The following CISD2 variants were observed in gnomAD, a reference collection of about 807,000 sequenced individuals.
CISD2 encodes CDGSH iron sulfur domain 2.
A neutral mutation model predicts 12.9 loss-of-function variants in CISD2; 1 was observed. That is an observed-to-expected ratio of 0.08 (90% CI 0.03 to 0.37). The LOEUF is 0.37. Ranked by LOEUF, CISD2 falls within the 10% of genes least tolerant of loss-of-function variation. The probability of loss-of-function intolerance (pLI) is 0.99; values close to 1 mark genes in which losing one functional copy is unlikely to be tolerated. For synonymous variants in CISD2, 50 were observed against 60.6 expected, an observed-to-expected ratio of 0.83 and a Z score of 0.81; for missense variants, 97 against 163.1, an observed-to-expected ratio of 0.59 and a Z score of 2.21.
rs1460264585 is a variant in CISD2, at chr4:102,889,826, A to C, written c.*2396A>C. ...ACAATTTTATCTTGTCCATCTTTAAAAAATAGACATCTAATAACCAAATGT... is the reference window on the plus strand; with the variant it reads ...ACAATTTTATCTTGTCCATCTTTAACAAATAGACATCTAATAACCAAATGT... On this transcript the variant is annotated 3_prime_UTR_variant, in exon 3 of 3. Coordinates refer to ENST00000273986, the MANE Select transcript of CISD2 (RefSeq NM_001008388.5). 5.3e-5 allele frequency: 8 copies of C among 152,202 alleles called. No individual in the cohort carries two copies. In the East Asian group the frequency reaches 1.5e-3, roughly 29 times the overall value. 9.4% of individuals were successfully genotyped at this position (152,202 alleles called of 1,614,324 possible).
At chr4:102,872,089 T>C (rs1300588524) in intron 1 of CISD2, among the ~76,000 whole-genome samples, 1 of 152,212 alleles carries the variant, frequency 6.6e-6, no homozygotes, top group African/African-American at 2.4e-5. Flanking sequence ...TTTGTTTTGT[T>C]TTGTTTTTTG....
In CISD2 at chr4:102,887,930, A is replaced by G. The variant is rs903444816; in HGVS notation, c.*500A>G. The G allele has an allele frequency of 4.5e-5, 7 of 155,190 alleles. No homozygotes were observed. The highest frequency in any genetic ancestry group is 1.0e-4 in the Non-Finnish European group (7 of 69,966). 9.6% of individuals were successfully genotyped at this position (155,190 alleles called of 1,614,324 possible). A position where few individuals can be genotyped will look rare whatever the true frequency, so the allele number is the denominator to read the frequency against. On this transcript the variant is annotated 3_prime_UTR_variant, in exon 3 of 3. Coordinates refer to ENST00000273986, the MANE Select transcript of CISD2 (RefSeq NM_001008388.5). ...GAGATAGACTCTTTGCTTTATAGAG[A>G]TTGTTGTGTATTTAATATGAATATC...
At chr4:102,877,918 A>G (rs534048850) in intron 1 of CISD2, among the ~76,000 whole-genome samples, 8 of 152,212 alleles carry the variant, frequency 5.3e-5, no homozygotes, top group Non-Finnish European at 8.8e-5. Flanking sequence ...CCAATACTGC[A>G]CAAAGCAGCA....
At chr4:102,874,562 T>C (rs1733546992) in intron 1 of CISD2, 5 of 152,050 alleles carry the variant, frequency 3.3e-5, no homozygotes, top group Admixed American at 3.3e-4. Context: ...GAGGCAGAGA[T>C]TGGGGTGATA....
At position 102,890,582 on chromosome 4, in the gene CISD2, T is replaced by TTTA. The variant is rs1392208127; in HGVS notation, c.*3152_*3153insTTA. 1 of 152,134 alleles carries TTTA rather than the reference T, an allele frequency of 6.6e-6. No homozygotes were observed. Among genetic ancestry groups the TTTA allele is most frequent in the Admixed American group, 6.6e-5 (1 of 15,260 alleles). The allele number at this position is 152,134 out of a possible 1,614,324, so 9.4% of individuals were successfully genotyped here. On this transcript the variant is annotated 3_prime_UTR_variant, in exon 3 of 3. Coordinates refer to ENST00000273986, the MANE Select transcript of CISD2 (RefSeq NM_001008388.5). ...TGGCTTGGTGCAGTGACGACACACC[T>TTTA]GTAATCTCAGCACTTTGGGAGGCTG...
Position 102,887,787 on chromosome 4 carries a change from A to G in CISD2, c.*357A>G, listed in dbSNP as rs941133355. 1.8e-4 allele frequency: 30 copies of G among 168,798 alleles called. No individual in the cohort carries two copies. Among genetic ancestry groups the G allele is most frequent in the South Asian group, 1.4e-4 (1 of 6,946 alleles). The allele number at this position is 168,798 out of a possible 1,614,324, so 10.5% of individuals were successfully genotyped here. On this transcript the variant is annotated 3_prime_UTR_variant, in exon 3 of 3. Transcript: ENST00000273986. ...ACATTGTTAAATATGTTATTTTTTC[A>G]TATCTCTTTTGGTTTTGATAATCTG...
chr4:102,870,495 G>A (rs1268103172), intron 1 of CISD2, among the ~76,000 whole-genome samples: 1 of 152,130 alleles, frequency 6.6e-6, no homozygotes, highest in Admixed American at 6.5e-5. Context: ...TCAGACAGAC[G>A]CTCTGTTGAG....
At chr4:102,884,750 C>T (rs1307331007) in intron 1 of CISD2, among the ~76,000 whole-genome samples, 4 of 152,142 alleles carry the variant, frequency 2.6e-5, no homozygotes, top group Non-Finnish European at 4.4e-5. Flanking sequence ...CAAAAATGTA[C>T]CTTAAAGCAT....
intron 1 of CISD2, 182 bp downstream of exon 1, chr4:102,869,369 C>G (rs1427102340): frequency 3.7e-6 from 3 of 801,334 alleles, no homozygotes; most frequent in African/African-American, 3.4e-5. Context: ...GAGGCAGTCT[C>G]CGGGTGCTTG....
rs1346479475 is a variant in CISD2, at chr4:102,888,805, A to C, written c.*1375A>C. On this transcript the variant is annotated 3_prime_UTR_variant, in exon 3 of 3. Transcript: ENST00000273986. ...TCTGTAGGGAATCCTTTCTGTTGTA[A>C]AAGAGTTACCATTTAACTCCCTTCA... The C allele has an allele frequency of 2.0e-5, 3 of 152,208 alleles. No homozygotes were observed. The highest frequency in any genetic ancestry group is 4.4e-5 in the Non-Finnish European group (3 of 68,048). The allele number at this position is 152,208 out of a possible 1,614,324, so 9.4% of individuals were successfully genotyped here.
intron 2 of CISD2, among the ~76,000 whole-genome samples, chr4:102,886,176 C>T (rs1405378063): frequency 6.6e-6 from 1 of 152,060 alleles, no homozygotes; most frequent in African/African-American, 2.4e-5. Context: ...ACAGTGTGAT[C>T]CCAATTTTGT....
chr4:102,878,522 ATC>A (rs769562029), intron 1 of CISD2, among the ~76,000 whole-genome samples: 2 of 152,156 alleles, frequency 1.3e-5, no homozygotes, highest in East Asian at 1.9e-4. Context: ...ATTTCAGGTC[ATC>A]TCTCTCTCAA....
chr4:102,878,107 C>T (rs1037832411), intron 1 of CISD2, among the ~76,000 whole-genome samples: 3 of 151,744 alleles, frequency 2.0e-5, no homozygotes, highest in African/African-American at 7.3e-5. Flanking sequence ...GAATTTCTCC[C>T]CAGAAAATGG....
chr4:102,879,678 A>C (rs1230723906), intron 1 of CISD2, among the ~76,000 whole-genome samples: 2 of 152,118 alleles, frequency 1.3e-5, no homozygotes, highest in Non-Finnish European at 2.9e-5. Context: ...AGGCTGAGGC[A>C]GGAGAATCGC....
chr4:102,880,603 G>A (rs1012903644), intron 1 of CISD2, among the ~76,000 whole-genome samples: 3 of 151,902 alleles, frequency 2.0e-5, no homozygotes, highest in Non-Finnish European at 4.4e-5. Context: ...ACTTGAACCT[G>A]GGAGGCAGAG....
At chr4:102,876,262 C>T (rs1279311722) in intron 1 of CISD2, among the ~76,000 whole-genome samples, 1 of 152,110 alleles carries the variant, frequency 6.6e-6, no homozygotes, top group Non-Finnish European at 1.5e-5. Flanking sequence ...ACAAAAGAAA[C>T]CTGGTTCCAA....
chr4:102,888,957 T>TAAGA lies in CISD2; in HGVS notation c.*1529_*1532dup, dbSNP rs1013899311. On this transcript the variant is annotated 3_prime_UTR_variant, in exon 3 of 3. Coordinates refer to ENST00000273986, the MANE Select transcript of CISD2 (RefSeq NM_001008388.5). ...TTCAGTTCACTTTGCTTTCTTTTTA[T>TAAGA]AAGAATGTACAAGAGGCAGACAGAG... 1 of 152,262 alleles carries TAAGA rather than the reference T, an allele frequency of 6.6e-6. No homozygotes were observed. Among genetic ancestry groups the TAAGA allele is most frequent in the South Asian group, 2.1e-4 (1 of 4,834 alleles). The allele number at this position is 152,262 out of a possible 1,614,324, so 9.4% of individuals were successfully genotyped here.
At chr4:102,886,106 A>T (rs1733897287) in intron 2 of CISD2, among the ~76,000 whole-genome samples, 1 of 152,194 alleles carries the variant, frequency 6.6e-6, no homozygotes, top group Non-Finnish European at 1.5e-5. Context: ...AAAGGGAATG[A>T]TCATGTTTTT....
chr4:102,873,499 T>C (rs1175182450), intron 1 of CISD2, among the ~76,000 whole-genome samples: 1 of 152,064 alleles, frequency 6.6e-6, no homozygotes, highest in Admixed American at 6.5e-5. Context: ...GGTCTTGAGC[T>C]CCTGAGCTTA....
Sources: allele counts gnomAD v4.1 joint callset (sites outside exome capture counted in the v4.1 genomes callset), GRCh38; gene constraint gnomAD v4.1.1; transcripts MANE v1.5; gene names NCBI Gene and HGNC (gene_info 2026-07-23, HGNC 2026-07-21).